APBB2: variants seen among roughly 807,000 people sequenced by gnomAD.
The protein encoded by APBB2 is Fe65-like 1.
APBB2 carries 38 observed loss-of-function variants against 82.5 expected under a neutral mutation model. The ratio of observed to expected loss-of-function variants is 0.46; its 90% CI spans 0.36 to 0.60. The LOEUF is 0.60. Among genes scored for constraint, APBB2 ranks in the 20% least tolerant of loss-of-function variants. APBB2 has a pLI of 0.00. For synonymous variants in APBB2, 341 were observed against 368.2 expected (o/e 0.93, Z 0.85); for missense variants, 772 against 972.3 (o/e 0.79, Z 2.74).
chr4:41,121,804 C>G (rs960115584), intron 2 of APBB2, among the ~76,000 whole-genome samples: 1 of 152,146 alleles, frequency 6.6e-6, no homozygotes, highest in Admixed American at 6.5e-5. Flanking sequence ...TACTAGCCCC[C>G]GGATGCAGCC....
chr4:41,027,884 G>A (rs922355839), intron 5 of APBB2, among the ~76,000 whole-genome samples: 12 of 152,230 alleles, frequency 7.9e-5, no homozygotes, highest in South Asian at 4.1e-4. Flanking sequence ...TCCCCTCCAC[G>A]TCTATTCATC....
intron 6 of APBB2, among the ~76,000 whole-genome samples, chr4:40,978,897 CA>C (rs557771204): frequency 5.9e-5 from 9 of 151,616 alleles, no homozygotes; most frequent in Admixed American, 4.0e-4. Context: ...CAATGAACTG[CA>C]GATTAATAAG....
intron 12 of APBB2, among the ~76,000 whole-genome samples, chr4:40,840,656 C>T (rs781089277): frequency 2.0e-5 from 3 of 152,156 alleles, no homozygotes; most frequent in Non-Finnish European, 4.4e-5. Flanking sequence ...ATCCCAGGTA[C>T]TCGTCACCTG....
Position 40,893,464 on chromosome 4 carries a change from A to G in APBB2, c.1255-53T>C, listed in dbSNP as rs115925727. On this transcript the variant is annotated intron_variant, in intron 10 of 17. Transcript: ENST00000508593. ...GTCACTCCATGGTTTGGTCAATCAT[A>G]TCAGTTTACACTACTCCCCTCCCGC... 2.2e-3 allele frequency: 3,337 copies of G among 1,547,716 alleles called. 63 individuals are homozygous for G. In the African/African-American group the frequency reaches 0.04, roughly 19 times the overall value.
chr4:41,099,584 CAATTT>C (rs1744669958), intron 3 of APBB2, among the ~76,000 whole-genome samples: 1 of 152,036 alleles, frequency 6.6e-6, no homozygotes, highest in Non-Finnish European at 1.5e-5. Context: ...AAATAAAACC[CAATTT>C]AATAATAATT....
chr4:41,190,048 T>A (rs1299821234), intron 1 of APBB2, among the ~76,000 whole-genome samples: 1 of 152,166 alleles, frequency 6.6e-6, no homozygotes, highest in African/African-American at 2.4e-5. Flanking sequence ...TTCATTAATA[T>A]TTAATTATCC....
At position 40,954,945 on chromosome 4, in the gene APBB2, G is replaced by A. The variant is rs1250714003; in HGVS notation, c.836-9872C>T. Among the ~76,000 whole-genome samples, 4 of 151,078 alleles carry A rather than the reference G, an allele frequency of 2.6e-5. No individual in the cohort carries two copies. The Admixed American group carries it at 2.6e-4, about 10-fold the overall frequency. On this transcript the variant is annotated intron_variant, in intron 6 of 17. Coordinates refer to ENST00000508593, the MANE Select transcript of APBB2 (RefSeq NM_004307.2). ...AGATTACAGGCATGCACCACTGTACGGCCAGGTAGTCATTCTTTTCCATCA... is the reference window on the plus strand; with the variant it reads ...AGATTACAGGCATGCACCACTGTACAGCCAGGTAGTCATTCTTTTCCATCA...
intron 3 of APBB2, among the ~76,000 whole-genome samples, chr4:41,068,177 T>G (rs1258660915): frequency 1.3e-5 from 2 of 152,234 alleles, no homozygotes; most frequent in African/African-American, 4.8e-5. Flanking sequence ...ATACTATGTT[T>G]TTTCCTATAC....
At chr4:40,831,564 G>T (rs562005876) in intron 12 of APBB2, among the ~76,000 whole-genome samples, 59 of 152,204 alleles carry the variant, frequency 3.9e-4, no homozygotes, top group African/African-American at 1.3e-3. Flanking sequence ...CGCATGAATC[G>T]CAAGATGATA....
intron 5 of APBB2, among the ~76,000 whole-genome samples, chr4:41,032,903 G>A (rs1012273425): frequency 1.4e-5 from 2 of 141,210 alleles, no homozygotes; most frequent in African/African-American, 5.2e-5. Context: ...TCCTGCCTCA[G>A]CCTCCCGTGT....
chr4:40,939,256 T>C (rs1786213747), intron 7 of APBB2, among the ~76,000 whole-genome samples: 1 of 152,212 alleles, frequency 6.6e-6, no homozygotes, highest in East Asian at 1.9e-4. Context: ...ATTCTGCCTC[T>C]GTTCTTACTT....
chr4:41,134,908 T>G (rs1757144788), intron 2 of APBB2, among the ~76,000 whole-genome samples: 1 of 152,220 alleles, frequency 6.6e-6, no homozygotes, highest in African/African-American at 2.4e-5. Context: ...GGAATTTAAC[T>G]GATTTGCACT....
At chr4:41,084,379 A>G (rs2661662) in intron 3 of APBB2, among the ~76,000 whole-genome samples, 151,835 of 152,306 alleles carry the variant, frequency 1, 75,682 homozygotes, top group Middle Eastern at 1. Flanking sequence ...AGCAGAGATC[A>G]CACCATTGCA....
intron 6 of APBB2, among the ~76,000 whole-genome samples, chr4:40,979,511 A>C (rs752750860): frequency 4.5e-4 from 68 of 152,228 alleles, no homozygotes; most frequent in Non-Finnish European, 5.6e-4. Flanking sequence ...TCCATAGTCA[A>C]CTGTTTTTGT....
chr4:40,923,190 T>A (rs1315449512), intron 10 of APBB2, among the ~76,000 whole-genome samples: 1 of 150,228 alleles, frequency 6.7e-6, no homozygotes, highest in African/African-American at 2.5e-5. Flanking sequence ...TTAGCCAAGA[T>A]GGTCTCGATC....
chr4:41,199,382 T>C (rs1343509279), intron 1 of APBB2, among the ~76,000 whole-genome samples: 1 of 152,198 alleles, frequency 6.6e-6, no homozygotes, highest in Admixed American at 6.5e-5. Flanking sequence ...ACTTTCTTTG[T>C]CATAAAAAAG....
At chr4:40,908,141 G>A (rs898918028) in intron 10 of APBB2, among the ~76,000 whole-genome samples, 5 of 151,708 alleles carry the variant, frequency 3.3e-5, no homozygotes, top group African/African-American at 7.3e-5. Flanking sequence ...GCAGGGAGGC[G>A]CCCACACAGA....
chr4:40,828,503 G>A (rs1287193859), intron 13 of APBB2, among the ~76,000 whole-genome samples: 4 of 152,106 alleles, frequency 2.6e-5, no homozygotes, highest in African/African-American at 7.2e-5. Context: ...AAAATCAAGC[G>A]TTTCCTGCAT....
chr4:40,845,524 T>TA (rs530489052), intron 12 of APBB2, among the ~76,000 whole-genome samples: 76 of 124,252 alleles, frequency 6.1e-4, no homozygotes, highest in Admixed American at 3.7e-3. Context: ...TTCATTAATA[T>TA]AAGCCTGAAA....
Sources: allele counts gnomAD v4.1 joint callset (sites outside exome capture counted in the v4.1 genomes callset), GRCh38; gene constraint gnomAD v4.1.1; transcripts MANE v1.5; gene names NCBI Gene and HGNC (gene_info 2026-07-23, HGNC 2026-07-21).